The following ADRA1A variants were observed in gnomAD, a reference collection of about 807,000 sequenced individuals.
The protein encoded by ADRA1A is alpha-1A adrenergic receptor.
Under a neutral mutation model 29.6 loss-of-function variants are expected in ADRA1A, and 31 were observed. The observed-to-expected ratio is 1.05, with a 90% CI of 0.79 to 1.41. ADRA1A has a LOEUF of 1.41. ADRA1A is among the 40% of genes most tolerant of loss of function. The pLI is 0.00. For missense variants in ADRA1A, 619 were observed against 601.1 expected, an observed-to-expected ratio of 1.03 and a Z score of -0.31; for synonymous variants, 311 against 254.3, an observed-to-expected ratio of 1.22 and a Z score of -2.12.
At chr8:26,855,833 C>A (rs1347610819) in intron 2 of ADRA1A, among the ~76,000 whole-genome samples, 2 of 152,160 alleles carry the variant, frequency 1.3e-5, no homozygotes, top group South Asian at 4.1e-4. Flanking sequence ...AACTGGCAAA[C>A]CAAATAGCAG....
At position 26,787,321 on chromosome 8, in the gene ADRA1A, C is replaced by A. The variant is rs181858535; in HGVS notation, c.884-16655G>T. Reference sequence around the variant, plus strand: ...TCAGAAAGCAGAGACATGTGTAATTCAAATTATTAATACAAAAATAAAATT... The same window carrying A: ...TCAGAAAGCAGAGACATGTGTAATTAAAATTATTAATACAAAAATAAAATT... On this transcript the variant is annotated intron_variant, in intron 2 of 2. Coordinates refer to ENST00000380573, the MANE Select transcript of ADRA1A (RefSeq NM_000680.4). This position sits in a 1 kb window ranked among gnomAD's most constrained non-coding sequence, Gnocchi z 4.2. Among the ~76,000 whole-genome samples, 6 of 152,072 alleles carry A rather than the reference C, an allele frequency of 3.9e-5. No individual in the cohort carries two copies. The East Asian group carries it at 1.2e-3, about 29-fold the overall frequency.
At chr8:26,809,902 C>A (rs1809262787) in intron 2 of ADRA1A, among the ~76,000 whole-genome samples, 1 of 152,230 alleles carries the variant, frequency 6.6e-6, no homozygotes, top group African/African-American at 2.4e-5. Flanking sequence ...GTTCCTTGAA[C>A]AATTTGGTCC....
intron 2 of ADRA1A, among the ~76,000 whole-genome samples, chr8:26,760,218 G>C (rs955972673): frequency 6.6e-6 from 1 of 152,206 alleles, no homozygotes; most frequent in African/African-American, 2.4e-5. Context: ...CAAGGGTCTT[G>C]GGTTGGGTGA....
downstream of ADRA1A, among the ~76,000 whole-genome samples, chr8:26,763,951 G>A (rs190265752): frequency 1.5e-3 from 232 of 152,260 alleles, 1 homozygote; most frequent in Middle Eastern, 3.4e-3. The surrounding 1 kb of genome is among the most constrained non-coding windows in gnomAD (Gnocchi z 4.5). Context: ...ACATTAAATA[G>A]ATTTTTATTT....
chr8:26,867,036 G>C lies in ADRA1A; in HGVS notation c.-787C>G. 1.0e-6 allele frequency: 1 copy of C among 985,368 alleles called. No individual in the cohort carries two copies. Among genetic ancestry groups the C allele is most frequent in the Non-Finnish European group, 1.2e-6 (1 of 829,964 alleles). The allele number at this position is 985,368 out of a possible 1,614,324, so 61.0% of individuals were successfully genotyped here. Reference sequence around the variant, plus strand: ...CTGCTCTTCTCTGGAGGCGGAGAGGGGACCGTGTCTCCGAGGCACCAAATC... The same window carrying C: ...CTGCTCTTCTCTGGAGGCGGAGAGGCGACCGTGTCTCCGAGGCACCAAATC... On this transcript the variant is annotated 5_prime_UTR_variant, in exon 1 of 3. Transcript: ENST00000380573.
chr8:26,803,219 T>G (rs901394999), intron 2 of ADRA1A, among the ~76,000 whole-genome samples: 9 of 152,158 alleles, frequency 5.9e-5, no homozygotes, highest in African/African-American at 2.2e-4. Flanking sequence ...GTAGAATAAC[T>G]GAGGGAGTAC....
downstream of ADRA1A, among the ~76,000 whole-genome samples, chr8:26,768,091 C>T (rs138527817): frequency 9.9e-5 from 15 of 152,256 alleles, no homozygotes; most frequent in Admixed American, 6.5e-4. Context: ...CAGAAAAAGG[C>T]TGAAAAAACA....
chr8:26,859,388 C>T (rs1056456716), intron 2 of ADRA1A, among the ~76,000 whole-genome samples: 1 of 152,116 alleles, frequency 6.6e-6, no homozygotes, highest in African/African-American at 2.4e-5. Context: ...TCAGTGACCT[C>T]TCGGCACAAT....
chr8:26,792,024 G>C (rs1225383750), intron 2 of ADRA1A, among the ~76,000 whole-genome samples: 3 of 152,024 alleles, frequency 2.0e-5, no homozygotes, highest in South Asian at 4.1e-4. Context: ...ATTTCCCTAA[G>C]GACAAGGAGC....
intron 2 of ADRA1A, among the ~76,000 whole-genome samples, chr8:26,861,363 A>C (rs4732957): frequency 0.66 from 95,083 of 144,822 alleles, 32,984 homozygotes; most frequent in South Asian, 0.79. Flanking sequence ...GAGTGCAGGC[A>C]TGATCTCGGC....
chr8:26,858,865 A>G (rs1024128471), intron 2 of ADRA1A, among the ~76,000 whole-genome samples: 2 of 152,214 alleles, frequency 1.3e-5, no homozygotes, highest in African/African-American at 4.8e-5. Context: ...ATGGAACAAG[A>G]TTAGCAAGAT....
At chr8:26,757,181 GA>G in intron 2 of ADRA1A, 1 of 662,596 alleles carries the variant, frequency 1.5e-6, no homozygotes, top group Non-Finnish European at 2.7e-6. Flanking sequence ...CCTCATCCCC[GA>G]AAGTGACTTT....
intron 2 of ADRA1A, among the ~76,000 whole-genome samples, chr8:26,824,474 G>A (rs182125769): frequency 8.1e-4 from 124 of 152,210 alleles, no homozygotes; most frequent in African/African-American, 2.9e-3. Flanking sequence ...TGTGAGGATC[G>A]AACAAGGTAA....
intron 2 of ADRA1A, among the ~76,000 whole-genome samples, chr8:26,855,223 G>GTA (rs1482900152): frequency 6.6e-6 from 1 of 151,646 alleles, no homozygotes; most frequent in African/African-American, 2.4e-5. Context: ...ATGCATGTGT[G>GTA]TGTGTGTGTG....
chr8:26,797,582 A>G (rs999322494), intron 2 of ADRA1A, among the ~76,000 whole-genome samples: 2 of 152,190 alleles, frequency 1.3e-5, no homozygotes, highest in Non-Finnish European at 2.9e-5. Context: ...TACAGGTGTG[A>G]GCCATCATGC....
At chr8:26,767,184 G>A (rs138813710), downstream of ADRA1A, among the ~76,000 whole-genome samples, 297 of 152,262 alleles carry the variant, frequency 2.0e-3, 1 homozygote, top group African/African-American at 6.8e-3. Flanking sequence ...ATAATGTCAC[G>A]TTGATTTTTG....
In ADRA1A at chr8:26,770,315, A is replaced by G. The variant is rs576498291; in HGVS notation, c.1235T>C (p.Val412Ala). 2 of 1,614,208 alleles carry G rather than the reference A, an allele frequency of 1.2e-6. No homozygotes were observed. Among genetic ancestry groups the G allele is most frequent in the Admixed American group, 1.7e-5 (1 of 60,028 alleles). ...SMPRGSARIT[V>A]SKDQSSCTTA... Reference sequence around the variant, plus strand: ...GGTACAGGAGGATTGGTCTTTGGACACTGTAATCCTGGCAGATCCACGGGG... The same window carrying G: ...GGTACAGGAGGATTGGTCTTTGGACGCTGTAATCCTGGCAGATCCACGGGG... The change falls in exon 3 of 3, where the codon GTG becomes GCG. Residue 412 changes from valine to alanine, a missense_variant. Transcript: ENST00000380573.
intron 2 of ADRA1A, among the ~76,000 whole-genome samples, chr8:26,835,003 G>A (rs1256512450): frequency 6.6e-6 from 1 of 152,110 alleles, no homozygotes; most frequent in Non-Finnish European, 1.5e-5. Flanking sequence ...CATAAACAAT[G>A]AAATTAAAAA....
intron 2 of ADRA1A, among the ~76,000 whole-genome samples, chr8:26,783,723 T>C (rs927472043): frequency 6.6e-6 from 1 of 152,218 alleles, no homozygotes; most frequent in South Asian, 2.1e-4. Flanking sequence ...CAAAGATACA[T>C]GCGTGTGTAT....
Sources: gnomAD v4.1 joint callset for allele counts (sites outside exome capture counted in the v4.1 genomes callset) on GRCh38, gnomAD v4.1.1 for gene constraint, Gnocchi (gnomAD v3.1) non-coding constraint, MANE v1.5 for transcripts, NCBI Gene and HGNC (gene_info 2026-07-23, HGNC 2026-07-21) for gene names.